Variants in ARHGAP6 observed in about 807,000 individuals in gnomAD.
The protein encoded by ARHGAP6 is rho GTPase-activating protein 6.
Under a neutral mutation model 55.7 loss-of-function variants are expected in ARHGAP6, and 16 were observed. The observed-to-expected ratio is 0.29, with a 90% CI of 0.19 to 0.44. ARHGAP6 has a LOEUF of 0.44. ARHGAP6 is among the 20% of genes least tolerant of loss of function. The pLI is 1.00. For synonymous variants in ARHGAP6, 382 were observed against 360.9 expected (o/e 1.06, Z -0.66); for missense variants, 698 against 808.9 (o/e 0.86, Z 1.66).
At chrX:11,448,258 C>CT (rs1347131418) in intron 1 of ARHGAP6, among the ~76,000 whole-genome samples, 1 of 112,255 alleles carries the variant, frequency 8.9e-6, no homozygotes, top group Non-Finnish European at 1.9e-5. Flanking sequence ...TCCCTCTTGA[C>CT]TTTTGTGCCT....
intron 9 of ARHGAP6, among the ~76,000 whole-genome samples, chrX:11,158,489 A>G (rs1188036255): frequency 1.8e-5 from 2 of 112,511 alleles, no homozygotes; most frequent in Non-Finnish European, 3.8e-5. Context: ...TGAGTTTTGC[A>G]TTGCAAAGAA....
At position 11,298,946 on chromosome X, in the gene ARHGAP6, A is replaced by G. The variant is rs753327781; in HGVS notation, c.589-44239T>C. 19 of 1,208,902 alleles carry G rather than the reference A, an allele frequency of 1.6e-5. No individual in the cohort carries two copies. In the East Asian group the frequency reaches 5.6e-4, roughly 36 times the overall value. ...ATCTGACTCTGGAAGCTTGGCCATCAACAGACAAGACCAAGCGGGAGGAAG... is the reference window on the plus strand; with the variant it reads ...ATCTGACTCTGGAAGCTTGGCCATCGACAGACAAGACCAAGCGGGAGGAAG... On this transcript the variant is annotated intron_variant, in intron 1 of 12. Transcript: ENST00000337414.
intron 8 of ARHGAP6, among the ~76,000 whole-genome samples, chrX:11,174,628 TTTCTTTC>T (rs772495008): frequency 3.7e-4 from 4 of 10,745 alleles, no homozygotes; most frequent in South Asian, 5.1e-3. Flanking sequence ...CTTTCTTTTC[TTTCTTTC>T]TTTCTTTCTT....
chrX:11,240,730 T>C (rs1333693987), intron 2 of ARHGAP6, among the ~76,000 whole-genome samples: 1 of 110,479 alleles, frequency 9.1e-6, no homozygotes, highest in South Asian at 3.9e-4. Flanking sequence ...GTGCTAGAGA[T>C]AGACATGTGG....
chrX:11,188,910 C>T lies in ARHGAP6; in HGVS notation c.895G>A (p.Asp299Asn), dbSNP rs1318689355. 1.7e-6 allele frequency: 2 copies of T among 1,211,409 alleles called. No individual in the cohort carries two copies. Among genetic ancestry groups the T allele is most frequent in the Admixed American group, 2.2e-5 (1 of 45,953 alleles). ...TCTTTCTGCTCGTCCCTCTGCAAGT[C>T]CTGCTTGAGTTTATAGGCCCTGTCA... ...ANDRAYKLKQDLQRDEQKDAS... is the reference protein window; with the variant it reads ...ANDRAYKLKQNLQRDEQKDAS... Residue 299 changes from aspartate (D) to asparagine (N), a missense_variant, in exon 4 of 13, where the codon GAC becomes AAC. Asp to Asn is a conservative substitution (Grantham distance 23). This residue lies in a region of ARHGAP6 where 322 missense variants were observed against 451.1 expected (regional missense o/e 0.71). Transcript: ENST00000337414.
chrX:11,177,523 C>T (rs2147328114), intron 8 of ARHGAP6, among the ~76,000 whole-genome samples: 1 of 111,324 alleles, frequency 9.0e-6, no homozygotes, highest in East Asian at 2.8e-4. Flanking sequence ...ACCCAGTTTC[C>T]TCCACACCTG....
intron 1 of ARHGAP6, among the ~76,000 whole-genome samples, chrX:11,524,611 C>A (rs2050969634): frequency 9.0e-6 from 1 of 111,303 alleles, no homozygotes; most frequent in Non-Finnish European, 1.9e-5. Context: ...CTGGATAATT[C>A]TTGGTCTTTG....
At chrX:11,390,601 T>A (rs1388259327) in intron 1 of ARHGAP6, among the ~76,000 whole-genome samples, 10 of 110,896 alleles carry the variant, frequency 9.0e-5, no homozygotes, top group Admixed American at 2.9e-4. Context: ...TACAATGAAC[T>A]CAAACAAATT....
chrX:11,253,840 G>T (rs1182317309), intron 2 of ARHGAP6, among the ~76,000 whole-genome samples: 1 of 109,886 alleles, frequency 9.1e-6, no homozygotes, highest in African/African-American at 3.3e-5. Flanking sequence ...AGGAGGTGGA[G>T]GTTGCAGTGA....
chrX:11,585,295 C>T (rs2051719175), intron 1 of ARHGAP6, among the ~76,000 whole-genome samples: 1 of 112,083 alleles, frequency 8.9e-6, no homozygotes, highest in Non-Finnish European at 1.9e-5. Context: ...GGGTATATAG[C>T]CAGTACTGGG....
chrX:11,483,916 G>C (rs929368371), intron 1 of ARHGAP6, among the ~76,000 whole-genome samples: 1 of 111,616 alleles, frequency 9.0e-6, no homozygotes, highest in Admixed American at 9.5e-5. Flanking sequence ...ACAGAGCTGA[G>C]AGACTGCTCT....
chrX:11,451,793 G>A (rs2050146084), intron 1 of ARHGAP6, among the ~76,000 whole-genome samples: 1 of 112,049 alleles, frequency 8.9e-6, no homozygotes, highest in Admixed American at 9.5e-5. Flanking sequence ...CTGCTAGACT[G>A]GAAACTCCTT....
intron 1 of ARHGAP6, among the ~76,000 whole-genome samples, chrX:11,339,946 C>T (rs2048682920): frequency 8.9e-6 from 1 of 112,244 alleles, no homozygotes; most frequent in Admixed American, 9.4e-5. Context: ...TCACCAGCCC[C>T]TTACCCATAT....
At chrX:11,348,504 C>T (rs2048816449) in intron 1 of ARHGAP6, among the ~76,000 whole-genome samples, 1 of 112,062 alleles carries the variant, frequency 8.9e-6, no homozygotes, top group African/African-American at 3.2e-5. Context: ...AGACCATCTC[C>T]TCTGAAGTCA....
intron 1 of ARHGAP6, chrX:11,334,860 TC>T: frequency 6.2e-6 from 1 of 162,578 alleles, no homozygotes. Flanking sequence ...TGCATGAGGG[TC>T]CCAGGCATGC....
At chrX:11,340,642 T>C (rs1035286774) in intron 1 of ARHGAP6, among the ~76,000 whole-genome samples, 2 of 106,174 alleles carry the variant, frequency 1.9e-5, no homozygotes, top group African/African-American at 7.1e-5. Context: ...GGCAGGAGAA[T>C]GGCGTGAACC....
At position 11,252,888 on chromosome X, in the gene ARHGAP6, A is replaced by C. The variant is rs977414947; in HGVS notation, c.748+1660T>G. 2.7e-5 allele frequency among the ~76,000 whole-genome samples: 3 copies of C among 112,013 alleles called. No homozygotes were observed. In the East Asian group the frequency reaches 8.4e-4, roughly 31 times the overall value. Reference sequence around the variant, plus strand: ...TTGTGCTACTCTTTCTGGTCAAAGAACTGAGCCTCCTACCGCAGAGGCAAG... The same window carrying C: ...TTGTGCTACTCTTTCTGGTCAAAGACCTGAGCCTCCTACCGCAGAGGCAAG... On this transcript the variant is annotated intron_variant, in intron 2 of 12. Transcript: ENST00000337414.
At chrX:11,139,572 T>C (rs374369738) in intron 12 of ARHGAP6, 42 bp from the exon 13 acceptor site, 302 of 1,104,575 alleles carry the variant, frequency 2.7e-4, no homozygotes, top group Non-Finnish European at 3.3e-4. Flanking sequence ...AATCAGTTTG[T>C]AGAATCCTTG....
chrX:11,221,986 G>T (rs541804567), intron 2 of ARHGAP6, among the ~76,000 whole-genome samples: 2 of 110,692 alleles, frequency 1.8e-5, no homozygotes, highest in East Asian at 5.6e-4. Context: ...TCCTAATTTA[G>T]CTATTCTATT....
Sources: allele counts gnomAD v4.1 joint callset (sites outside exome capture counted in the v4.1 genomes callset), GRCh38; gene constraint gnomAD v4.1.1; regional missense constraint gnomAD v4.1.1; transcripts MANE v1.5; gene names NCBI Gene and HGNC (gene_info 2026-07-23, HGNC 2026-07-21).